Variants in WDFY3 observed in about 807,000 individuals in gnomAD.
WDFY3 encodes WD repeat and FYVE domain-containing protein 3.
Under a neutral mutation model 409.6 loss-of-function variants are expected in WDFY3, and 66 were observed. That is an observed-to-expected ratio of 0.16 (90% confidence interval 0.13 to 0.20). The LOEUF is 0.20. Ranked by LOEUF, WDFY3 falls within the 10% of genes least tolerant of loss-of-function variation. The probability of loss-of-function intolerance (pLI) is 1.00; values close to 1 mark genes in which losing one functional copy is unlikely to be tolerated. For synonymous variants in WDFY3, 1,521 were observed against 1,537.1 expected (o/e 0.99, Z 0.25); for missense variants, 3,031 against 4,298.1 (o/e 0.71, Z 8.24).
chr4:84,896,782 T>C (rs1265451744), intron 3 of WDFY3, 129 bp downstream of exon 3: 1 of 152,202 alleles, frequency 6.6e-6, no homozygotes, highest in Non-Finnish European at 1.5e-5. Context: ...TTTATAATGG[T>C]AGCTCTATAA....
chr4:84,774,553 T>C (rs1480641768), intron 29 of WDFY3, among the ~76,000 whole-genome samples: 1 of 152,240 alleles, frequency 6.6e-6, no homozygotes, highest in East Asian at 1.9e-4. Context: ...CTGAATACTT[T>C]ATATCCAGGC....
At chr4:84,827,167 G>A (rs1158414219) in intron 9 of WDFY3, among the ~76,000 whole-genome samples, 186 bp from the exon 10 acceptor site, 1 of 151,378 alleles carries the variant, frequency 6.6e-6, no homozygotes, top group Non-Finnish European at 1.5e-5. Context: ...ACACAAAATG[G>A]GTTGCAACAA....
At chr4:84,947,456 G>A (rs1561138575) in intron 1 of WDFY3, among the ~76,000 whole-genome samples, 2 of 149,892 alleles carry the variant, frequency 1.3e-5, no homozygotes, top group Admixed American at 6.7e-5. Flanking sequence ...AGGTTGCAGT[G>A]AGCCAAGATT....
At chr4:84,931,982 A>G (rs1170368890) in intron 2 of WDFY3, among the ~76,000 whole-genome samples, 14 of 152,262 alleles carry the variant, frequency 9.2e-5, no homozygotes, top group East Asian at 1.9e-4. Context: ...TAAAAATATG[A>G]CTTTCATCAT....
chr4:84,839,617 G>C (rs929447491), intron 6 of WDFY3, among the ~76,000 whole-genome samples: 4 of 152,056 alleles, frequency 2.6e-5, no homozygotes, highest in African/African-American at 4.8e-5. Context: ...CAGCACTTTG[G>C]GAGGCCAAGG....
At chr4:84,720,154 C>G (rs1021859353) in intron 47 of WDFY3, among the ~76,000 whole-genome samples, 1 of 152,064 alleles carries the variant, frequency 6.6e-6, no homozygotes, top group African/African-American at 2.4e-5. Flanking sequence ...AGATAAGACA[C>G]AGTTTGCCTA....
chr4:84,785,917 G>A (rs1747466063), intron 24 of WDFY3, 62 bp downstream of exon 24: 1 of 1,573,544 alleles, frequency 6.4e-7, no homozygotes, highest in South Asian at 1.1e-5. Context: ...ATCCATATGA[G>A]ACTCTGAGAC....
chr4:84,872,689 A>G (rs1439053730), intron 3 of WDFY3, among the ~76,000 whole-genome samples: 1 of 152,184 alleles, frequency 6.6e-6, no homozygotes, highest in African/African-American at 2.4e-5. Flanking sequence ...AGAATGTCAG[A>G]GGGGATTAAA....
At chr4:84,803,011 C>G (rs1432488182) in intron 16 of WDFY3, among the ~76,000 whole-genome samples, 1 of 152,206 alleles carries the variant, frequency 6.6e-6, no homozygotes, top group African/African-American at 2.4e-5. Flanking sequence ...GCAATGTCCA[C>G]TGCTGAGCAG....
chr4:84,673,009 T>C lies in WDFY3; in HGVS notation c.10458-18A>G. The C allele has an allele frequency of 1.2e-6, 2 of 1,613,632 alleles. No individual in the cohort carries two copies. The highest frequency in any genetic ancestry group is 2.2e-5 in the South Asian group (2 of 91,004). ...GACTGCACCTAAAGGAAAGGAAAAG[T>C]CAATTAATTATAGGTCTTCTCCATG... On this transcript the variant is annotated intron_variant, in intron 67 of 67. Coordinates refer to ENST00000295888, the MANE Select transcript of WDFY3 (RefSeq NM_014991.6).
chr4:84,850,924 ATCTGTTTTT>A (rs1758838787), intron 4 of WDFY3, among the ~76,000 whole-genome samples: 1 of 39,120 alleles, frequency 2.6e-5, no homozygotes, highest in African/African-American at 1.1e-4. Context: ...AATTTTATTT[ATCTGTTTTT>A]TTTTTTTTTT....
chr4:84,703,102 A>C (rs1215068071), intron 55 of WDFY3, among the ~76,000 whole-genome samples: 1 of 152,060 alleles, frequency 6.6e-6, no homozygotes, highest in East Asian at 1.9e-4. Flanking sequence ...CTCAAAAAAA[A>C]AAAAAACCAA....
At chr4:84,914,745 C>A (rs184689592) in intron 2 of WDFY3, among the ~76,000 whole-genome samples, 2 of 152,082 alleles carry the variant, frequency 1.3e-5, no homozygotes, top group African/African-American at 4.8e-5. Flanking sequence ...TAGAAAAATG[C>A]AAAATGGTGC....
chr4:84,750,898 C>G (rs1490972423), intron 36 of WDFY3, among the ~76,000 whole-genome samples: 1 of 152,208 alleles, frequency 6.6e-6, no homozygotes, highest in Non-Finnish European at 1.5e-5. Context: ...GGCACCTGTT[C>G]TGTACAATGC....
Position 84,966,577 on chromosome 4 carries a change from G to T in WDFY3, c.-594C>A, listed in dbSNP as rs1018095804. ...TTCTTCTCTCCATCAAGGCCGGGCC[G>T]ACCCGCAGGGACCATCCCGGAAAGT... On this transcript the variant is annotated 5_prime_UTR_variant, in exon 1 of 68. The change creates a premature stop within an existing upstream ORF in the 5' untranslated region. Transcript: ENST00000295888. Among the ~76,000 whole-genome samples the T allele has an allele frequency of 2.0e-5, 3 of 151,996 alleles. No homozygotes were observed. Among genetic ancestry groups the T allele is most frequent in the Non-Finnish European group, 4.4e-5 (3 of 67,982 alleles).
At chr4:84,679,577 C>A in intron 64 of WDFY3, among the ~76,000 whole-genome samples, 1 of 152,150 alleles carries the variant, frequency 6.6e-6, no homozygotes, top group East Asian at 1.9e-4. Context: ...TCTCTCCCTG[C>A]AGACCTGCTC....
At chr4:84,809,783 C>G in intron 14 of WDFY3, 104 bp downstream of exon 14, 2 of 994,136 alleles carry the variant, frequency 2.0e-6, no homozygotes, top group Non-Finnish European at 2.9e-6. Context: ...GGAGAAGAGT[C>G]ATCTGTTTTC....
intron 3 of WDFY3, among the ~76,000 whole-genome samples, chr4:84,882,424 G>T (rs982506316): frequency 6.6e-6 from 1 of 152,044 alleles, no homozygotes; most frequent in Non-Finnish European, 1.5e-5. Context: ...ACGAATAGAC[G>T]GATAAATGGA....
intron 2 of WDFY3, among the ~76,000 whole-genome samples, chr4:84,909,977 T>C (rs1391441003): frequency 6.6e-6 from 1 of 152,166 alleles, no homozygotes; most frequent in Non-Finnish European, 1.5e-5. Context: ...AATGAAACTA[T>C]TAAAAGCAAA....
Sources: allele counts gnomAD v4.1 joint callset (sites outside exome capture counted in the v4.1 genomes callset), GRCh38; gene constraint gnomAD v4.1.1; transcripts MANE v1.5; gene names NCBI Gene and HGNC (gene_info 2026-07-23, HGNC 2026-07-21).